CA7: variants seen among roughly 807,000 people sequenced by gnomAD.
CA7 encodes the protein carbonic anhydrase 7.
A neutral mutation model predicts 31.4 loss-of-function variants in CA7; 13 were observed. The observed-to-expected ratio is 0.41, with a 90% CI of 0.27 to 0.66. The LOEUF (loss-of-function observed/expected upper bound fraction) is 0.66, where lower values mean the gene tolerates loss of function less well. Among genes scored for constraint, CA7 ranks in the 30% least tolerant of loss-of-function variants. The pLI is 0.28. For synonymous variants in CA7, 128 were observed against 133.2 expected, an observed-to-expected ratio of 0.96 and a Z score of 0.27; for missense variants, 215 against 351.0, an observed-to-expected ratio of 0.61 and a Z score of 3.10.
At chr16:66,846,550 A>G (rs1960932674) in intron 1 of CA7, among the ~76,000 whole-genome samples, 2 of 152,160 alleles carry the variant, frequency 1.3e-5, no homozygotes. Context: ...GCTGGTTTCT[A>G]TTTCACAAGG....
At chr16:66,846,599 T>A (rs1451133163) in intron 1 of CA7, among the ~76,000 whole-genome samples, 4 of 152,188 alleles carry the variant, frequency 2.6e-5, no homozygotes, top group African/African-American at 9.6e-5. Context: ...GAGTCAAAGC[T>A]AGGTTGATGT....
In CA7 at chr16:66,853,366, C is replaced by A. The variant is rs781755614; in HGVS notation, c.673-10C>A. 2.5e-6 allele frequency: 4 copies of A among 1,613,992 alleles called. No homozygotes were observed. In the Admixed American group the frequency reaches 6.7e-5, roughly 27 times the overall value. On this transcript the variant is annotated splice_polypyrimidine_tract_variant and intron_variant, in intron 6 of 6. Transcript: ENST00000338437. The surrounding 1 kb of genome is among the most constrained non-coding windows in gnomAD (Gnocchi z 4.5). ...CAATCTGCCCTGAGCATTCCTTCTG[C>A]TTCCTCAAGATGGGGAAGTTCCGGA...
At position 66,851,479 on chromosome 16, in the gene CA7, GGAATGCCAAGAA is replaced by G; in HGVS notation, c.376_387del (p.Asn126_Lys129del). The G allele has an allele frequency of 6.2e-7, 1 of 1,614,174 alleles. No individual in the cohort carries two copies. The highest frequency in any genetic ancestry group is 8.5e-7 in the Non-Finnish European group (1 of 1,179,998). On this transcript the variant is annotated inframe_deletion, in exon 4 of 7. Transcript: ENST00000338437. ...GCCCCATAGCTGCATCTGGTTCACT[GGAATGCCAAGAA>G]GTACAGCACTTTTGGGGAGGCGGCC...
Position 66,851,574 on chromosome 16 carries a change from C to T in CA7, c.453+16C>T. 1 of 1,613,880 alleles carries T rather than the reference C, an allele frequency of 6.2e-7. No homozygotes were observed. The highest frequency in any genetic ancestry group is 8.5e-7 in the Non-Finnish European group (1 of 1,179,770). On this transcript the variant is annotated intron_variant, in intron 4 of 6. Coordinates refer to ENST00000338437, the MANE Select transcript of CA7 (RefSeq NM_005182.3). ...TTTTTTGGAGGTGAGTGGTGGTTTG[C>T]TGGGGCCTGGAGGGGCATGGGAGGC...
chr16:66,851,800 C>T, intron 5 of CA7, 74 bp downstream of exon 5: 1 of 1,329,838 alleles, frequency 7.5e-7, no homozygotes, highest in South Asian at 1.2e-5. Context: ...TTGGGCCCTT[C>T]CAGTCCTTCA....
Position 66,853,447 on chromosome 16 carries a change from G to C in CA7, c.744G>C (p.Arg248=), listed in dbSNP as rs1961109796. Residue 248 remains arginine, a synonymous_variant, in exon 7 of 7, where the codon CGG becomes CGC. Transcript: ENST00000338437. The surrounding 1 kb of genome is among the most constrained non-coding windows in gnomAD (Gnocchi z 4.5). The part of the protein sequence containing the change: ...DERIHMVNNF[R]PPQPLKGRVV... ...GGATCCACATGGTGAACAACTTCCGGCCACCACAGCCACTGAAGGGCCGCG... is the reference window on the plus strand; with the variant it reads ...GGATCCACATGGTGAACAACTTCCGCCCACCACAGCCACTGAAGGGCCGCG... 5.0e-6 allele frequency: 8 copies of C among 1,614,118 alleles called. No homozygotes were observed. The highest frequency in any genetic ancestry group is 5.9e-6 in the Non-Finnish European group (7 of 1,180,006).
In CA7 at chr16:66,852,741, C is replaced by T; in HGVS notation, c.546C>T (p.Asn182=). The T allele has an allele frequency of 6.2e-7, 1 of 1,613,952 alleles. No individual in the cohort carries two copies. Among genetic ancestry groups the T allele is most frequent in the Admixed American group, 1.7e-5 (1 of 60,014 alleles). The change falls in exon 6 of 7, where the codon AAC becomes AAT. Residue 182 remains asparagine (N), a synonymous_variant. Coordinates refer to ENST00000338437, the MANE Select transcript of CA7 (RefSeq NM_005182.3). The stretch of plus-strand genomic sequence containing the variant: ...CCAAAGCCCAGTTCAGCTGCTTCAA[C>T]CCCAAGTGCCTCCTGCCTGCCAGCC... ...KGTKAQFSCF[N]PKCLLPASRH...
chr16:66,844,546 C>G lies in CA7; in HGVS notation c.40+19C>G. 1 of 1,537,948 alleles carries G rather than the reference C, an allele frequency of 6.5e-7. No individual in the cohort carries two copies. Among genetic ancestry groups the G allele is most frequent in the Non-Finnish European group, 8.8e-7 (1 of 1,140,850 alleles). The stretch of plus-strand genomic sequence containing the variant: ...GACGACGGTAGGCACAGACCTCCCC[C>G]ACCGCCTCTGGCTCGGACCCCCGAC... On this transcript the variant is annotated intron_variant, in intron 1 of 6. Coordinates refer to ENST00000338437, the MANE Select transcript of CA7 (RefSeq NM_005182.3).
At chr16:66,846,174 GGT>G (rs4000639) in intron 1 of CA7, among the ~76,000 whole-genome samples, 25,376 of 146,864 alleles carry the variant, frequency 0.17, 3,565 homozygotes, top group African/African-American at 0.39. Flanking sequence ...TGTGTATGCA[GGT>G]GTGTGTGTGT....
chr16:66,850,537 AC>A lies in CA7; in HGVS notation c.239-3del. On this transcript the variant is annotated splice_region_variant and splice_polypyrimidine_tract_variant and intron_variant, in intron 2 of 6. Coordinates refer to ENST00000338437, the MANE Select transcript of CA7 (RefSeq NM_005182.3). ...ATTGCCACTCGCCCCACTTCTACCC[AC>A]AGTGGTGACTGGGGGCCCCCTGGAA... The A allele has an allele frequency of 6.4e-7, 1 of 1,554,522 alleles. No homozygotes were observed. Among genetic ancestry groups the A allele is most frequent in the Non-Finnish European group, 8.9e-7 (1 of 1,125,878 alleles).
intron 2 of CA7, 138 bp downstream of exon 2, chr16:66,847,365 A>G (rs1156526590): frequency 1.7e-5 from 12 of 715,832 alleles, no homozygotes; most frequent in Non-Finnish European, 2.9e-5. Flanking sequence ...CCTTGGGCTG[A>G]TCTTCAGTCT....
intron 2 of CA7, among the ~76,000 whole-genome samples, chr16:66,848,146 C>A (rs1260671742): frequency 6.6e-6 from 1 of 152,260 alleles, no homozygotes; most frequent in African/African-American, 2.4e-5. Flanking sequence ...GGAAGCCAGA[C>A]CTTTCATGAG....
chr16:66,853,287 C>A lies in CA7; in HGVS notation c.673-89C>A. ...AAGGAGGAGGGAGGGGTAGAGCTGG[C>A]TGGGCAGGTATGCCAGATGATGCAT... On this transcript the variant is annotated intron_variant, in intron 6 of 6. Coordinates refer to ENST00000338437, the MANE Select transcript of CA7 (RefSeq NM_005182.3). This position sits in a 1 kb window ranked among gnomAD's most constrained non-coding sequence, Gnocchi z 4.5. The A allele has an allele frequency of 6.5e-7, 1 of 1,530,750 alleles. No individual in the cohort carries two copies. Among genetic ancestry groups the A allele is most frequent in the Non-Finnish European group, 9.0e-7 (1 of 1,113,400 alleles). The allele number at this position is 1,530,750 out of a possible 1,614,324, so 94.8% of individuals were successfully genotyped here.
chr16:66,849,086 G>A (rs1960985453), intron 2 of CA7, among the ~76,000 whole-genome samples: 1 of 152,102 alleles, frequency 6.6e-6, no homozygotes, highest in Non-Finnish European at 1.5e-5. Flanking sequence ...GGAACTCTGA[G>A]CCTGGGGTGT....
At chr16:66,849,314 A>G (rs1960990594) in intron 2 of CA7, among the ~76,000 whole-genome samples, 1 of 152,190 alleles carries the variant, frequency 6.6e-6, no homozygotes, top group Non-Finnish European at 1.5e-5. Flanking sequence ...CTGTCCAGGA[A>G]GGTAGAGACC....
chr16:66,847,415 A>T (rs900124708), intron 2 of CA7, among the ~76,000 whole-genome samples, 188 bp downstream of exon 2: 3 of 152,248 alleles, frequency 2.0e-5, no homozygotes, highest in African/African-American at 7.2e-5. Flanking sequence ...CTACCCTCTT[A>T]GGTCATAGAG....
chr16:66,847,367 C>T, intron 2 of CA7, 140 bp downstream of exon 2: 2 of 708,524 alleles, frequency 2.8e-6, no homozygotes, highest in Non-Finnish European at 4.8e-6. Context: ...TTGGGCTGAT[C>T]TTCAGTCTCC....
At position 66,851,516 on chromosome 16, in the gene CA7, C is replaced by T. The variant is rs781534179; in HGVS notation, c.411C>T (p.Ala137=). Residue 137 remains alanine (A), a synonymous_variant, in exon 4 of 7, where the codon GCC becomes GCT. Transcript: ENST00000338437. ...AKKYSTFGEA[A]SAPDGLAVVG... is the part of the protein sequence containing the mutation. ...AGTACAGCACTTTTGGGGAGGCGGC[C>T]TCAGCACCTGATGGCCTGGCTGTGG... 6.2e-7 allele frequency: 1 copy of T among 1,614,146 alleles called. No homozygotes were observed. Among genetic ancestry groups the T allele is most frequent in the Non-Finnish European group, 8.5e-7 (1 of 1,180,010 alleles).
At position 66,852,749 on chromosome 16, in the gene CA7, G is replaced by A; in HGVS notation, c.554G>A (p.Cys185Tyr). 1 of 1,613,902 alleles carries A rather than the reference G, an allele frequency of 6.2e-7. No individual in the cohort carries two copies. The highest frequency in any genetic ancestry group is 2.2e-5 in the East Asian group (1 of 44,848). ...CAGTTCAGCTGCTTCAACCCCAAGT[G>A]CCTCCTGCCTGCCAGCCGGCACTAC... ...KAQFSCFNPK[C>Y]LLPASRHYWT... Residue 185 changes from cysteine (C) to tyrosine (Y), a missense_variant, in exon 6 of 7, where the codon TGC becomes TAC. Physicochemically the swap from Cys to Tyr is radical, Grantham distance 194 (BLOSUM62 -2). Coordinates refer to ENST00000338437, the MANE Select transcript of CA7 (RefSeq NM_005182.3).
Sources: allele counts gnomAD v4.1 joint callset (sites outside exome capture counted in the v4.1 genomes callset), GRCh38; gene constraint gnomAD v4.1.1; non-coding constraint Gnocchi (gnomAD v3.1); transcripts MANE v1.5; gene names NCBI Gene and HGNC (gene_info 2026-07-23, HGNC 2026-07-21).